The following TMEM94 variants were observed in gnomAD, a reference collection of about 807,000 sequenced individuals.
TMEM94 encodes the protein transmembrane protein 94.
TMEM94 carries 81 observed loss-of-function variants against 158.6 expected under a neutral mutation model. The ratio of observed to expected loss-of-function variants is 0.51; its 90% CI spans 0.43 to 0.61. The LOEUF (loss-of-function observed/expected upper bound fraction) is 0.61. Among genes scored for constraint, TMEM94 ranks in the 20% least tolerant of loss-of-function variants. The pLI is 0.00. For synonymous variants in TMEM94, 751 were observed against 730.7 expected (o/e 1.03, Z -0.45); for missense variants, 1,435 against 1,762.0 (o/e 0.81, Z 3.32).
chr17:75,457,848 A>C (rs2049941407), intron 1 of TMEM94, among the ~76,000 whole-genome samples: 1 of 152,020 alleles, frequency 6.6e-6, no homozygotes, highest in Non-Finnish European at 1.5e-5. Context: ...TATCCGCTAG[A>C]CCTAGTTGTT....
At chr17:75,473,365 G>C (rs941815375) in intron 2 of TMEM94, among the ~76,000 whole-genome samples, 4 of 152,186 alleles carry the variant, frequency 2.6e-5, no homozygotes. Context: ...GGGAGTTAAG[G>C]CTGCTGCAAA....
chr17:75,477,896 C>G (rs2050799281), intron 2 of TMEM94, among the ~76,000 whole-genome samples: 1 of 149,900 alleles, frequency 6.7e-6, no homozygotes, highest in Non-Finnish European at 1.5e-5. Flanking sequence ...GTAGTCCCAG[C>G]TACTCTGGAG....
chr17:75,489,861 A>C lies in TMEM94; in HGVS notation c.954+199A>C. 1.6e-6 allele frequency: 1 copy of C among 609,546 alleles called. No homozygotes were observed. Among genetic ancestry groups the C allele is most frequent in the South Asian group, 1.9e-5 (1 of 52,788 alleles). The allele number at this position is 609,546 out of a possible 1,614,324, so 37.8% of individuals were successfully genotyped here. On this transcript the variant is annotated intron_variant, in intron 9 of 31. Transcript: ENST00000314256. This position sits in a 1 kb window ranked among gnomAD's most constrained non-coding sequence, Gnocchi z 5.0. ...TTTGGGAGGCCACGGCAGGCAGATC[A>C]TGAGGTCAAGAGATCGAGACCATCC... is the stretch of plus-strand genomic sequence containing the variant.
Position 75,498,990 on chromosome 17 carries a change from G to T in TMEM94, c.3906G>T (p.Leu1302=). The T allele has an allele frequency of 6.2e-7, 1 of 1,602,292 alleles. No individual in the cohort carries two copies. Residue 1302 remains leucine, a synonymous_variant, in exon 31 of 32, where the codon CTG becomes CTT. Coordinates refer to ENST00000314256, the MANE Select transcript of TMEM94 (RefSeq NM_014738.6). The surrounding 1 kb of genome is among the most constrained non-coding windows in gnomAD (Gnocchi z 6.7). ...THRDSHVHFG[L]EDVPLLTWLL... is the part of the protein sequence containing the mutation. ...GGGACAGCCACGTCCACTTTGGCCT[G>T]GAGGACGTGCCCCTGCTGACATGGC...
intron 1 of TMEM94, among the ~76,000 whole-genome samples, chr17:75,462,969 G>A: frequency 7.6e-6 from 1 of 131,068 alleles, no homozygotes; most frequent in Non-Finnish European, 1.6e-5. Flanking sequence ...CTCCAGCCTG[G>A]GCAACAGAAT....
chr17:75,490,004 G>T, intron 9 of TMEM94: 1 of 592,646 alleles, frequency 1.7e-6, no homozygotes, highest in East Asian at 3.0e-5. Flanking sequence ...CCTTGAACCT[G>T]GGAGGTGGAG....
Position 75,499,011 on chromosome 17 carries a change from A to T in TMEM94, c.3927A>T (p.Thr1309=). Residue 1309 remains threonine, a synonymous_variant, in exon 31 of 32, where the codon ACA becomes ACT. Transcript: ENST00000314256. ...GCCTGGAGGACGTGCCCCTGCTGAC[A>T]TGGCTCCTGGGCTGCCTGTCCCTGG... ...HFGLEDVPLL[T]WLLGCLSLVL... is the part of the protein sequence containing the mutation. The T allele has an allele frequency of 1.2e-6, 2 of 1,604,146 alleles. No individual in the cohort carries two copies. The highest frequency in any genetic ancestry group is 1.7e-6 in the Non-Finnish European group (2 of 1,176,804).
Position 75,485,562 on chromosome 17 carries a change from C to G in TMEM94, c.144+15C>G. 6.2e-7 allele frequency: 1 copy of G among 1,614,014 alleles called. No individual in the cohort carries two copies. The highest frequency in any genetic ancestry group is 8.5e-7 in the Non-Finnish European group (1 of 1,179,934). ...TGACGTGGAAGGTGAAGCTTCTTCT[C>G]GGGGCTACCAGGGCCTGGCTGGGAT... On this transcript the variant is annotated intron_variant, in intron 3 of 31. Coordinates refer to ENST00000314256, the MANE Select transcript of TMEM94 (RefSeq NM_014738.6). This position sits in a 1 kb window ranked among gnomAD's most constrained non-coding sequence, Gnocchi z 5.5.
At chr17:75,461,879 A>G (rs1349950832) in intron 1 of TMEM94, among the ~76,000 whole-genome samples, 1 of 148,528 alleles carries the variant, frequency 6.7e-6, no homozygotes, top group Non-Finnish European at 1.5e-5. Flanking sequence ...GTGCCACTGC[A>G]CTCCAGCATG....
intron 2 of TMEM94, among the ~76,000 whole-genome samples, chr17:75,476,168 G>T (rs1336662198): frequency 1.9e-4 from 29 of 152,246 alleles, no homozygotes; most frequent in Non-Finnish European, 5.9e-5. Flanking sequence ...AGGTAGTTTG[G>T]GAAGAGAGCT....
At chr17:75,469,345 AT>A (rs10711780) in intron 1 of TMEM94, among the ~76,000 whole-genome samples, 93,168 of 124,724 alleles carry the variant, frequency 0.75, 34,566 homozygotes, top group African/African-American at 0.85. Flanking sequence ...TTAACCCTAA[AT>A]TTTTTTTTTT....
In TMEM94 at chr17:75,491,736, C is replaced by A. The variant is rs773456356; in HGVS notation, c.1432C>A (p.Leu478Met). The stretch of plus-strand genomic sequence containing the variant: ...CCTGGCTGGCTCCCTGAACAACACC[C>A]TGCACCTTTCCAATGAGCAGGAGCG... ...ALLAGSLNNTLHLSNEQERGD... is the reference protein window; with the variant it reads ...ALLAGSLNNTMHLSNEQERGD... The change falls in exon 14 of 32, where the codon CTG (leucine) becomes ATG (methionine). Residue 478 changes from leucine (L) to methionine (M), a missense_variant. By Grantham distance (15) the Leu-to-Met change is conservative. Transcript: ENST00000314256. This position sits in a 1 kb window ranked among gnomAD's most constrained non-coding sequence, Gnocchi z 5.1. 3 of 1,614,096 alleles carry A rather than the reference C, an allele frequency of 1.9e-6. No homozygotes were observed. Among genetic ancestry groups the A allele is most frequent in the Non-Finnish European group, 2.5e-6 (3 of 1,180,030 alleles).
chr17:75,495,763 C>T lies in TMEM94; in HGVS notation c.2944+120C>T. 2 of 1,004,344 alleles carry T rather than the reference C, an allele frequency of 2.0e-6. No individual in the cohort carries two copies. The highest frequency in any genetic ancestry group is 2.9e-5 in the South Asian group (2 of 68,226). 62.2% of individuals were successfully genotyped at this position (1,004,344 alleles called of 1,614,324 possible). A position where few individuals can be genotyped will look rare whatever the true frequency, so the allele number is the denominator to read the frequency against. ...GTTTCCCATGCAGGGAGTAAAGGAA[C>T]CTGGGCTGGGATCAGCTGGGGAATC... On this transcript the variant is annotated intron_variant, in intron 22 of 31. Coordinates refer to ENST00000314256, the MANE Select transcript of TMEM94 (RefSeq NM_014738.6). This position sits in a 1 kb window ranked among gnomAD's most constrained non-coding sequence, Gnocchi z 5.6.
Position 75,491,934 on chromosome 17 carries a change from C to G in TMEM94, c.1596+34C>G. The stretch of plus-strand genomic sequence containing the variant: ...AGGGGGTGGCACGGGGCAGCCACAC[C>G]CTCGGCCACAGGCTGTCCTGGCCTC... On this transcript the variant is annotated intron_variant, in intron 14 of 31. Transcript: ENST00000314256. The surrounding 1 kb of genome is among the most constrained non-coding windows in gnomAD (Gnocchi z 5.1). 4 of 1,578,664 alleles carry G rather than the reference C, an allele frequency of 2.5e-6. No homozygotes were observed. The highest frequency in any genetic ancestry group is 3.4e-6 in the Non-Finnish European group (4 of 1,160,896).
In TMEM94 at chr17:75,493,877, A is replaced by G. The variant is rs141621199; in HGVS notation, c.2368A>G (p.Ile790Val). ...TMCELPSTIP[I>V]KQNARRSSWS... ...GTGCGAGCTGCCCAGCACCATCCCC[A>G]TCAAGCAGAACGCCCGCCGCAGCAG... Residue 790 changes from isoleucine (I) to valine (V), a missense_variant, in exon 18 of 32, where the codon ATC becomes GTC. Transcript: ENST00000314256. 2,908 of 1,612,276 alleles carry G rather than the reference A, an allele frequency of 1.8e-3. 5 individuals are homozygous for G. The highest frequency in any genetic ancestry group is 3.3e-3 in the Admixed American group (199 of 60,002).
intron 1 of TMEM94, among the ~76,000 whole-genome samples, chr17:75,464,546 G>T (rs937256835): frequency 8.6e-5 from 13 of 151,708 alleles, no homozygotes; most frequent in African/African-American, 2.7e-4. Flanking sequence ...ACTCCTCAGA[G>T]CCTCTCCATT....
intron 26 of TMEM94, 34 bp from the exon 27 acceptor site, chr17:75,497,747 G>A (rs778876131): frequency 5.1e-6 from 8 of 1,566,152 alleles, no homozygotes; most frequent in Non-Finnish European, 7.0e-6. Flanking sequence ...GAGGGTCATT[G>A]TCACCATCCC....
Position 75,492,239 on chromosome 17 carries a change from C to T in TMEM94, c.1597-235C>T. On this transcript the variant is annotated intron_variant, in intron 14 of 31. Coordinates refer to ENST00000314256, the MANE Select transcript of TMEM94 (RefSeq NM_014738.6). This position sits in a 1 kb window ranked among gnomAD's most constrained non-coding sequence, Gnocchi z 4.4. ...TTGGTCTGGCCACCCCTCTTTTTAGCTCCTGCCAGTGTCATGAGATATATT... is the reference window on the plus strand; with the variant it reads ...TTGGTCTGGCCACCCCTCTTTTTAGTTCCTGCCAGTGTCATGAGATATATT... 1 of 1,420,916 alleles carries T rather than the reference C, an allele frequency of 7.0e-7. No homozygotes were observed. Among genetic ancestry groups the T allele is most frequent in the Non-Finnish European group, 9.1e-7 (1 of 1,092,986 alleles). 88.0% of individuals were successfully genotyped at this position (1,420,916 alleles called of 1,614,324 possible).
chr17:75,487,886 A>G lies in TMEM94; in HGVS notation c.410-46A>G. 6.5e-7 allele frequency: 1 copy of G among 1,527,508 alleles called. No homozygotes were observed. Among genetic ancestry groups the G allele is most frequent in the Non-Finnish European group, 9.1e-7 (1 of 1,104,664 alleles). The allele number at this position is 1,527,508 out of a possible 1,614,324, so 94.6% of individuals were successfully genotyped here. ...GTGCTGCTGTATCTGACTGGGGGGCAGGGCCGTGGCTGAGAGGGTTGTTTC... is the reference window on the plus strand; with the variant it reads ...GTGCTGCTGTATCTGACTGGGGGGCGGGGCCGTGGCTGAGAGGGTTGTTTC... On this transcript the variant is annotated intron_variant, in intron 5 of 31. Coordinates refer to ENST00000314256, the MANE Select transcript of TMEM94 (RefSeq NM_014738.6). This position sits in a 1 kb window ranked among gnomAD's most constrained non-coding sequence, Gnocchi z 4.6.
Sources: allele counts gnomAD v4.1 joint callset (sites outside exome capture counted in the v4.1 genomes callset), GRCh38; gene constraint gnomAD v4.1.1; non-coding constraint Gnocchi (gnomAD v3.1); transcripts MANE v1.5; gene names NCBI Gene and HGNC (gene_info 2026-07-23, HGNC 2026-07-21).